The following ANKS1B variants were observed in gnomAD, a reference collection of about 807,000 sequenced individuals.
ANKS1B encodes the protein ankyrin repeat and sterile alpha motif domain-containing protein 1B.
In ANKS1B, 36 loss-of-function variants were observed where a neutral mutation model predicts 148.3. That is an observed-to-expected ratio of 0.24 (90% confidence interval 0.19 to 0.32). ANKS1B has a LOEUF of 0.32. Among genes scored for constraint, ANKS1B ranks in the 10% least tolerant of loss-of-function variants. ANKS1B has a pLI of 1.00. For missense variants in ANKS1B, 1,157 were observed against 1,542.6 expected (o/e 0.75, Z 4.19); for synonymous variants, 542 against 560.8 (o/e 0.97, Z 0.47).
chr12:99,888,167 G>A (rs895687005), intron 1 of ANKS1B, among the ~76,000 whole-genome samples: 7 of 152,180 alleles, frequency 4.6e-5, no homozygotes, highest in African/African-American at 1.4e-4. Context: ...TTTATTACAT[G>A]CTATATGACC....
chr12:99,098,178 G>A (rs973568166), intron 15 of ANKS1B, among the ~76,000 whole-genome samples: 3 of 152,184 alleles, frequency 2.0e-5, no homozygotes, highest in African/African-American at 7.2e-5. Flanking sequence ...AAGATTACTA[G>A]GAACTTGGCT....
At chr12:98,871,421 G>A (rs2099668316) in intron 17 of ANKS1B, among the ~76,000 whole-genome samples, 1 of 152,066 alleles carries the variant, frequency 6.6e-6, no homozygotes, top group African/African-American at 2.4e-5. Flanking sequence ...GCTTGATATA[G>A]ACATAGTTAT....
At chr12:99,508,675 A>G (rs548429866) in intron 9 of ANKS1B, among the ~76,000 whole-genome samples, 1 of 151,790 alleles carries the variant, frequency 6.6e-6, no homozygotes, top group African/African-American at 2.4e-5. Context: ...TTGAAATTTT[A>G]ATGTTTTGCT....
intron 9 of ANKS1B, among the ~76,000 whole-genome samples, chr12:99,508,251 G>C (rs907235510): frequency 6.6e-6 from 1 of 151,678 alleles, no homozygotes; most frequent in Non-Finnish European, 1.5e-5. Context: ...TGTTATTTAG[G>C]ATAATGTTAT....
At chr12:99,599,676 A>C (rs1268187790) in intron 9 of ANKS1B, among the ~76,000 whole-genome samples, 3 of 152,046 alleles carry the variant, frequency 2.0e-5, no homozygotes, top group African/African-American at 7.2e-5. Context: ...TAACTCCTAA[A>C]TTTACAGTTT....
chr12:99,367,300 C>T (rs2092823074), intron 12 of ANKS1B, among the ~76,000 whole-genome samples: 1 of 152,050 alleles, frequency 6.6e-6, no homozygotes, highest in Non-Finnish European at 1.5e-5. Context: ...CCCCTGAGCA[C>T]CTAAAAGATT....
chr12:99,588,403 A>G (rs557587155), intron 9 of ANKS1B, among the ~76,000 whole-genome samples: 1 of 144,318 alleles, frequency 6.9e-6, no homozygotes, highest in African/African-American at 2.6e-5. Flanking sequence ...GTTCAGAGAA[A>G]AAATGTAATC....
In ANKS1B at chr12:99,459,257, C is replaced by T. The variant is rs558258654; in HGVS notation, c.1439-15448G>A. Among the ~76,000 whole-genome samples, 18 of 151,680 alleles carry T rather than the reference C, an allele frequency of 1.2e-4. No homozygotes were observed. The East Asian group carries it at 2.1e-3, about 18-fold the overall frequency. On this transcript the variant is annotated intron_variant, in intron 10 of 26. Coordinates refer to ENST00000683438, the MANE Select transcript of ANKS1B (RefSeq NM_001352186.2). ...AAGTAAAATTAGCATAAAGGTCATT[C>T]GTTAATGTAATAAAAGCATCTATGA... is the stretch of plus-strand genomic sequence containing the variant.
rs201266940 is a variant in ANKS1B, at chr12:99,872,558, GACA to G, written c.135-47172_135-47170del. On this transcript the variant is annotated intron_variant, in intron 1 of 26. Coordinates refer to ENST00000683438, the MANE Select transcript of ANKS1B (RefSeq NM_001352186.2). The stretch of plus-strand genomic sequence containing the variant: ...TGATAAAATAAGGACTTGATATTTA[GACA>G]ACAACAAAAACCTGATGTTTCAGTT... Among the ~76,000 whole-genome samples, 1,289 of 152,134 alleles carry G rather than the reference GACA, an allele frequency of 8.5e-3. 18 individuals are homozygous for G. Among genetic ancestry groups the G allele is most frequent in the African/African-American group, 0.029 (1,222 of 41,512 alleles).
At chr12:99,807,263 A>T (rs2067743329) in intron 3 of ANKS1B, among the ~76,000 whole-genome samples, 1 of 152,234 alleles carries the variant, frequency 6.6e-6, no homozygotes, top group East Asian at 1.9e-4. Context: ...TTGAAATGTT[A>T]TCATGGGTTG....
Position 99,030,524 on chromosome 12 carries a change from A to G in ANKS1B, c.2778+22633T>C, listed in dbSNP as rs77579770. Among the ~76,000 whole-genome samples the G allele has an allele frequency of 9.2e-3, 1,399 of 151,742 alleles. 20 individuals carry two copies. Among genetic ancestry groups the G allele is most frequent in the African/African-American group, 0.032 (1,333 of 41,340 alleles). On this transcript the variant is annotated intron_variant, in intron 17 of 26. Transcript: ENST00000683438. ...AATCCAGCTGTAGTTTTTTCTCCCA[A>G]CTAAGCACATGCAGTACGGTACCTC...
chr12:98,938,699 T>G (rs1372095099), intron 17 of ANKS1B, among the ~76,000 whole-genome samples: 1 of 152,232 alleles, frequency 6.6e-6, no homozygotes, highest in East Asian at 1.9e-4. Flanking sequence ...GTCACTTCGA[T>G]GAAAACTTGA....
At chr12:99,908,421 A>T (rs1311358109) in intron 1 of ANKS1B, among the ~76,000 whole-genome samples, 3 of 152,076 alleles carry the variant, frequency 2.0e-5, no homozygotes, top group Non-Finnish European at 4.4e-5. Context: ...TCTACAAAAA[A>T]ATATAAAAAT....
At chr12:98,961,078 A>G (rs1400314549) in intron 17 of ANKS1B, among the ~76,000 whole-genome samples, 1 of 152,210 alleles carries the variant, frequency 6.6e-6, no homozygotes, top group Non-Finnish European at 1.5e-5. Context: ...ACAAAGAGAA[A>G]TAGGTGCAGG....
At chr12:99,040,521 C>G (rs1427430786) in intron 17 of ANKS1B, among the ~76,000 whole-genome samples, 1 of 152,118 alleles carries the variant, frequency 6.6e-6, no homozygotes, top group Non-Finnish European at 1.5e-5. Context: ...TGTTGCAAGA[C>G]CAGCCTAGTG....
chr12:99,760,807 A>G (rs983613380), intron 8 of ANKS1B, among the ~76,000 whole-genome samples: 1 of 151,614 alleles, frequency 6.6e-6, no homozygotes, highest in Non-Finnish European at 1.5e-5. Context: ...CTACATTAAC[A>G]AAGAAAGAAG....
chr12:99,109,098 G>T (rs146181643), intron 15 of ANKS1B, among the ~76,000 whole-genome samples: 3 of 152,088 alleles, frequency 2.0e-5, no homozygotes, highest in South Asian at 2.1e-4. Flanking sequence ...TGCCCTCAAG[G>T]TTGCTCCCTG....
intron 25 of ANKS1B, among the ~76,000 whole-genome samples, chr12:98,772,075 G>A (rs1441366743): frequency 6.6e-6 from 1 of 152,176 alleles, no homozygotes; most frequent in African/African-American, 2.4e-5. Context: ...GGTAGGGCTG[G>A]CATTCTAAGT....
chr12:99,298,766 T>A (rs2081228243), intron 12 of ANKS1B, among the ~76,000 whole-genome samples: 1 of 152,214 alleles, frequency 6.6e-6, no homozygotes, highest in Non-Finnish European at 1.5e-5. Context: ...ATACTTAGGC[T>A]ATACAAATAT....
Sources: gnomAD v4.1 joint callset for allele counts (sites outside exome capture counted in the v4.1 genomes callset) on GRCh38, gnomAD v4.1.1 for gene constraint, MANE v1.5 for transcripts, NCBI Gene and HGNC (gene_info 2026-07-23, HGNC 2026-07-21) for gene names.